CAMK1D: variants seen among roughly 807,000 people sequenced by gnomAD.
CAMK1D encodes the protein calcium/calmodulin dependent protein kinase ID.
Under a neutral mutation model 47.7 loss-of-function variants are expected in CAMK1D, and 9 were observed. The observed-to-expected ratio is 0.19, with a 90% CI of 0.11 to 0.33. CAMK1D has a LOEUF of 0.33. Among genes scored for constraint, CAMK1D ranks in the 10% least tolerant of loss-of-function variants. The pLI, the probability that CAMK1D is intolerant of heterozygous loss-of-function variation, is 1.00. For missense variants in CAMK1D, 291 were observed against 488.7 expected (o/e 0.60, Z 3.81); for synonymous variants, 184 against 184.9 (o/e 0.99, Z 0.04).
At chr10:12,584,040 T>C (rs1001273689) in intron 2 of CAMK1D, among the ~76,000 whole-genome samples, 1 of 152,190 alleles carries the variant, frequency 6.6e-6, no homozygotes, top group African/African-American at 2.4e-5. Context: ...TTCTTCACCC[T>C]GGGAGCACCT....
intron 1 of CAMK1D, among the ~76,000 whole-genome samples, chr10:12,490,391 C>T (rs764205986): frequency 9.2e-5 from 14 of 152,026 alleles, no homozygotes; most frequent in Non-Finnish European, 1.8e-4. Context: ...GGGACTGGCT[C>T]CCCAGCTTAA....
chr10:12,669,440 A>G (rs1183937067), intron 3 of CAMK1D, among the ~76,000 whole-genome samples: 1 of 152,218 alleles, frequency 6.6e-6, no homozygotes, highest in Non-Finnish European at 1.5e-5. Flanking sequence ...GCAGTAGTTC[A>G]GAAGGTTTAT....
At chr10:12,608,282 G>A (rs1267810524) in intron 2 of CAMK1D, among the ~76,000 whole-genome samples, 1 of 152,178 alleles carries the variant, frequency 6.6e-6, no homozygotes. Context: ...AGCAGGCATG[G>A]TAGCGCACAC....
At chr10:12,717,054 G>A (rs934110979) in intron 3 of CAMK1D, among the ~76,000 whole-genome samples, 2 of 152,192 alleles carry the variant, frequency 1.3e-5, no homozygotes, top group African/African-American at 4.8e-5. Flanking sequence ...TTGAGGAGTA[G>A]TCCAGTGATA....
At chr10:12,788,466 C>T (rs188181676) in intron 5 of CAMK1D, among the ~76,000 whole-genome samples, 4 of 152,246 alleles carry the variant, frequency 2.6e-5, no homozygotes, top group African/African-American at 4.8e-5. Context: ...CTTAGCTCTT[C>T]CCTCCCAACA....
intron 2 of CAMK1D, among the ~76,000 whole-genome samples, chr10:12,579,575 C>T (rs1837600053): frequency 6.6e-6 from 1 of 152,166 alleles, no homozygotes; most frequent in Non-Finnish European, 1.5e-5. Flanking sequence ...GTGTCTGTCT[C>T]TTCCCACTGG....
chr10:12,645,975 T>G (rs944451334), intron 2 of CAMK1D, among the ~76,000 whole-genome samples: 1 of 152,088 alleles, frequency 6.6e-6, no homozygotes, highest in Admixed American at 6.6e-5. Flanking sequence ...TAGTTGTTTT[T>G]TTTTTTTTTT....
intron 1 of CAMK1D, among the ~76,000 whole-genome samples, chr10:12,421,941 C>T (rs1033620831): frequency 3.3e-5 from 5 of 151,908 alleles, no homozygotes; most frequent in Admixed American, 2.6e-4. Flanking sequence ...CTCAGCCTCC[C>T]GAGTAGCTGG....
chr10:12,479,911 C>T (rs750156977), intron 1 of CAMK1D, among the ~76,000 whole-genome samples: 5 of 152,314 alleles, frequency 3.3e-5, no homozygotes, highest in Middle Eastern at 3.4e-3. Context: ...CAGTTCTCAA[C>T]GACGTCCTGG....
chr10:12,501,909 C>G (rs1007879633), intron 1 of CAMK1D, among the ~76,000 whole-genome samples: 14 of 152,282 alleles, frequency 9.2e-5, no homozygotes, highest in South Asian at 6.2e-4. Flanking sequence ...GTGAGCAGTG[C>G]TGCTGTGACC....
chr10:12,687,665 C>T (rs1204154244), intron 3 of CAMK1D, among the ~76,000 whole-genome samples: 1 of 152,210 alleles, frequency 6.6e-6, no homozygotes, highest in Non-Finnish European at 1.5e-5. Context: ...CACACTAGGA[C>T]AGGAGGCATC....
At chr10:12,494,976 C>T (rs1015279660) in intron 1 of CAMK1D, among the ~76,000 whole-genome samples, 6 of 152,128 alleles carry the variant, frequency 3.9e-5, no homozygotes, top group South Asian at 2.1e-4. Flanking sequence ...TGATTCTAAA[C>T]GAGATCACTG....
At chr10:12,638,911 C>T (rs915609558) in intron 2 of CAMK1D, among the ~76,000 whole-genome samples, 2 of 152,234 alleles carry the variant, frequency 1.3e-5, no homozygotes, top group Non-Finnish European at 2.9e-5. Context: ...CCCCCCACTT[C>T]TCTCCGCATC....
intron 2 of CAMK1D, among the ~76,000 whole-genome samples, chr10:12,605,208 C>A (rs765469677): frequency 3.9e-5 from 6 of 152,106 alleles, no homozygotes; most frequent in Non-Finnish European, 5.9e-5. Context: ...TTTTATTTTA[C>A]AGAGAAAATA....
chr10:12,515,402 CTTTT>C (rs772694725), intron 1 of CAMK1D, among the ~76,000 whole-genome samples: 2 of 102,028 alleles, frequency 2.0e-5, no homozygotes, highest in Non-Finnish European at 4.0e-5. Flanking sequence ...TTTTCCTTTT[CTTTT>C]TTTTTTTTTT....
At chr10:12,463,728 T>C (rs911046591) in intron 1 of CAMK1D, among the ~76,000 whole-genome samples, 1 of 152,138 alleles carries the variant, frequency 6.6e-6, no homozygotes, top group Non-Finnish European at 1.5e-5. Context: ...TAGGCTTTAT[T>C]TCCCCACCAG....
At chr10:12,593,034 A>G (rs564446041) in intron 2 of CAMK1D, among the ~76,000 whole-genome samples, 29 of 152,282 alleles carry the variant, frequency 1.9e-4, no homozygotes, top group African/African-American at 6.3e-4. Context: ...GGGTCAGTGA[A>G]TGTTTTCTAT....
At chr10:12,372,117 T>C (rs1184947105) in intron 1 of CAMK1D, among the ~76,000 whole-genome samples, 2 of 152,240 alleles carry the variant, frequency 1.3e-5, no homozygotes, top group African/African-American at 4.8e-5. Flanking sequence ...GCAGTAGCTG[T>C]ATCATCTAGC....
chr10:12,544,117 G>A (rs1836283867), intron 1 of CAMK1D, among the ~76,000 whole-genome samples: 1 of 152,180 alleles, frequency 6.6e-6, no homozygotes, highest in East Asian at 1.9e-4. Flanking sequence ...ATGGGGAAAA[G>A]GAGGAAGGAT....
Sources: gnomAD v4.1 joint callset for allele counts (sites outside exome capture counted in the v4.1 genomes callset) on GRCh38, gnomAD v4.1.1 for gene constraint, MANE v1.5 for transcripts, NCBI Gene and HGNC (gene_info 2026-07-23, HGNC 2026-07-21) for gene names.